DGKK: variants seen among roughly 807,000 people sequenced by gnomAD.
DGKK encodes the protein diacylglycerol kinase kappa.
DGKK carries 35 observed loss-of-function variants against 92.2 expected under a neutral mutation model. That is an observed-to-expected ratio of 0.38 (90% CI 0.29 to 0.50). The LOEUF (loss-of-function observed/expected upper bound fraction) is 0.50, where lower values mean the gene tolerates loss of function less well. Among genes scored for constraint, DGKK ranks in the 20% least tolerant of loss-of-function variants. DGKK has a pLI of 0.92. For missense variants in DGKK, 910 were observed against 992.2 expected (o/e 0.92, Z 1.11); for synonymous variants, 368 against 360.6 (o/e 1.02, Z -0.23).
chrX:50,455,362 TTTG>T (rs1187402202), intron 1 of DGKK, among the ~76,000 whole-genome samples: 4 of 112,328 alleles, frequency 3.6e-5, no homozygotes, highest in Middle Eastern at 4.6e-3. Flanking sequence ...CTATCACTGC[TTTG>T]TTGTTCATGT....
At chrX:50,392,474 G>C in intron 9 of DGKK, 25 bp from the exon 10 acceptor site, 1 of 1,131,863 alleles carries the variant, frequency 8.8e-7, no homozygotes, top group African/African-American at 1.8e-5. Context: ...AGGAAAGGGG[G>C]TCATTTCATG....
chrX:50,464,613 G>T (rs1926848018), intron 1 of DGKK, among the ~76,000 whole-genome samples: 1 of 109,743 alleles, frequency 9.1e-6, no homozygotes, highest in Non-Finnish European at 1.9e-5. Context: ...GGCAAATAAA[G>T]GTTATTATCC....
intron 9 of DGKK, 115 bp downstream of exon 9, chrX:50,393,037 T>C: frequency 3.1e-6 from 2 of 636,976 alleles, no homozygotes; most frequent in South Asian, 6.5e-5. Flanking sequence ...CTTGAGAAAA[T>C]AGACCTTTCC....
In DGKK at chrX:50,421,157, T is replaced by C. The variant is rs182787519; in HGVS notation, c.838-650A>G. On this transcript the variant is annotated intron_variant, in intron 3 of 27. Coordinates refer to ENST00000611977, the MANE Select transcript of DGKK (RefSeq NM_001013742.4). ...GAAGAGAATTTTACAGTTGTCTTTC[T>C]TAACCCTGCTTGGCACAAGAACCCA... Among the ~76,000 whole-genome samples the C allele has an allele frequency of 9.1e-4, 102 of 111,607 alleles. No individual in the cohort carries two copies. In the East Asian group the frequency reaches 0.02, roughly 22 times the overall value.
intron 17 of DGKK, among the ~76,000 whole-genome samples, chrX:50,383,754 C>G (rs1439078842): frequency 1.8e-5 from 2 of 111,894 alleles, no homozygotes; most frequent in Non-Finnish European, 3.8e-5. Context: ...GATTTGCTGC[C>G]TAGTCCCCTA....
At chrX:50,458,821 A>G (rs182644829) in intron 1 of DGKK, among the ~76,000 whole-genome samples, 1 of 111,508 alleles carries the variant, frequency 9.0e-6, no homozygotes, top group East Asian at 2.8e-4. Context: ...CAATCTTTCA[A>G]TCAGTACCCT....
In DGKK at chrX:50,386,286, T is replaced by C. The variant is rs782020426; in HGVS notation, c.2347+72A>G. Reference sequence around the variant, plus strand: ...AGTCAGAGAGCAAACCCGGAGTCAGTGAGGCCAGTAAACCATCCTCTGGAA... The same window carrying C: ...AGTCAGAGAGCAAACCCGGAGTCAGCGAGGCCAGTAAACCATCCTCTGGAA... On this transcript the variant is annotated intron_variant, in intron 15 of 27. Transcript: ENST00000611977. 150 of 797,014 alleles carry C rather than the reference T, an allele frequency of 1.9e-4. No individual in the cohort carries two copies. The African/African-American group carries it at 2.8e-3, about 15-fold the overall frequency. The allele number at this position is 797,014 out of a possible 1,213,427, so 65.7% of individuals were successfully genotyped here. A position where few individuals can be genotyped will look rare whatever the true frequency, so the allele number is the denominator to read the frequency against.
At chrX:50,455,784 C>G (rs1196456349) in intron 1 of DGKK, among the ~76,000 whole-genome samples, 2 of 112,046 alleles carry the variant, frequency 1.8e-5, no homozygotes, top group African/African-American at 6.5e-5. Flanking sequence ...CACATTCTTT[C>G]TCTCCTGGTT....
intron 25 of DGKK, among the ~76,000 whole-genome samples, chrX:50,373,304 A>G (rs996995876): frequency 6.2e-5 from 7 of 112,072 alleles, no homozygotes; most frequent in Non-Finnish European, 9.4e-5. Flanking sequence ...CTGGAGATAC[A>G]TGGTCATTCT....
intron 4 of DGKK, 126 bp downstream of exon 4, chrX:50,420,277 C>A: frequency 3.5e-6 from 2 of 574,548 alleles, no homozygotes; most frequent in East Asian, 3.5e-5. Context: ...GGTTTTCTGT[C>A]TATAATTCCT....
Position 50,403,563 on chromosome X carries a change from C to T in DGKK, c.1113G>A (p.Leu371=), listed in dbSNP as rs781832707. Residue 371 remains leucine, a synonymous_variant, in exon 6 of 28, where the codon TTG becomes TTA. Coordinates refer to ENST00000611977, the MANE Select transcript of DGKK (RefSeq NM_001013742.4). ...CKVKSHRLCA[L]RASKDCKWNT... Reference sequence around the variant, plus strand: ...TCCACTTGCAGTCTTTGCTTGCTCTCAAAGCACACAATCTGTGAGATTTCA... The same window carrying T: ...TCCACTTGCAGTCTTTGCTTGCTCTTAAAGCACACAATCTGTGAGATTTCA... 2 of 1,207,830 alleles carry T rather than the reference C, an allele frequency of 1.7e-6. No homozygotes were observed. The highest frequency in any genetic ancestry group is 2.2e-5 in the Admixed American group (1 of 45,710).
intron 1 of DGKK, among the ~76,000 whole-genome samples, chrX:50,433,097 A>G (rs1456689936): frequency 1.8e-5 from 2 of 111,963 alleles, no homozygotes; most frequent in African/African-American, 3.2e-5. Context: ...TTTGCTGCCT[A>G]CTAGCTGTGC....
chrX:50,376,241 G>A, intron 23 of DGKK, 76 bp from the exon 24 acceptor site: 2 of 1,087,819 alleles, frequency 1.8e-6, no homozygotes, highest in Non-Finnish European at 2.5e-6. Context: ...GTGAGGGTTT[G>A]GGTAAGGGTA....
At chrX:50,448,540 G>A (rs1439299194) in intron 1 of DGKK, among the ~76,000 whole-genome samples, 7 of 111,291 alleles carry the variant, frequency 6.3e-5, no homozygotes, top group Admixed American at 2.9e-4. Context: ...ATCCATATGA[G>A]TGTGCATAAG....
chrX:50,447,346 TATATATATATAATATATATATATTA>T (rs1926349902), intron 1 of DGKK, among the ~76,000 whole-genome samples: 2 of 9,968 alleles, frequency 2.0e-4, no homozygotes, highest in African/African-American at 7.7e-4. Flanking sequence ...ATATATATTA[TATATATATATAATATATATATATTA>T]TATATATATA....
At chrX:50,383,620 T>C (rs1391868960) in intron 17 of DGKK, among the ~76,000 whole-genome samples, 2 of 111,603 alleles carry the variant, frequency 1.8e-5, no homozygotes, top group East Asian at 2.8e-4. Context: ...AGTCCAGAGA[T>C]TGGAGTTTCT....
chrX:50,417,688 T>C (rs1172468984), intron 4 of DGKK, among the ~76,000 whole-genome samples: 2 of 110,973 alleles, frequency 1.8e-5, no homozygotes, highest in Admixed American at 1.9e-4. Flanking sequence ...CTATCCTCAT[T>C]CTGGGGCTTA....
Position 50,376,769 on chromosome X carries a change from G to A in DGKK, c.3261C>T (p.Asn1087=). The A allele has an allele frequency of 8.4e-7, 1 of 1,191,645 alleles. No individual in the cohort carries two copies. Among genetic ancestry groups the A allele is most frequent in the Non-Finnish European group, 1.1e-6 (1 of 884,447 alleles). ...QMQHLARLAE[N]LISKLNDLSK... ...GCCAGTCCACTTACTTGCTGATGAG[G>A]TTTTCTGCAAGCCGAGCTAAGTGCT... Residue 1087 remains asparagine (N), a synonymous_variant, in exon 23 of 28, where the codon AAC becomes AAT. Coordinates refer to ENST00000611977, the MANE Select transcript of DGKK (RefSeq NM_001013742.4).
intron 1 of DGKK, among the ~76,000 whole-genome samples, chrX:50,453,343 C>T (rs934333680): frequency 2.7e-5 from 3 of 111,339 alleles, no homozygotes; most frequent in Non-Finnish European, 5.7e-5. Flanking sequence ...AAATGAATAT[C>T]GCTAATTACA....
Sources: allele counts gnomAD v4.1 joint callset (sites outside exome capture counted in the v4.1 genomes callset), GRCh38; gene constraint gnomAD v4.1.1; transcripts MANE v1.5; gene names NCBI Gene and HGNC (gene_info 2026-07-23, HGNC 2026-07-21).